The following C19orf47 variants were observed in gnomAD, a reference collection of about 807,000 sequenced individuals.
C19orf47 encodes chromosome 19 open reading frame 47, also known as uncharacterized protein C19orf47.
C19orf47 carries 18 observed loss-of-function variants against 32.3 expected under a neutral mutation model. That is an observed-to-expected ratio of 0.56 (90% confidence interval 0.39 to 0.83). The LOEUF is 0.83. C19orf47 is among the 40% of genes least tolerant of loss of function. The pLI is 0.00. For synonymous variants in C19orf47, 202 were observed against 211.1 expected (o/e 0.96, Z 0.37); for missense variants, 484 against 531.6 (o/e 0.91, Z 0.88).
chr19:40,299,843 T>G, the C19orf47 span, among the ~76,000 whole-genome samples: 2 of 151,322 alleles, frequency 1.3e-5, no homozygotes, highest in East Asian at 4.0e-4. Flanking sequence ...CTGGCCGACA[T>G]GGCGAAACCC....
the C19orf47 span, among the ~76,000 whole-genome samples, chr19:40,313,365 C>T: frequency 6.6e-6 from 1 of 152,136 alleles, no homozygotes; most frequent in African/African-American, 2.4e-5. Flanking sequence ...CACTCTGTTG[C>T]CCAGGCTAGA....
chr19:40,339,968 T>G (rs1041842362), intron 2 of C19orf47, among the ~76,000 whole-genome samples: 1 of 110,812 alleles, frequency 9.0e-6, no homozygotes, highest in African/African-American at 3.5e-5. Context: ...AAAGCGAAAC[T>G]CCATCTCAAA....
rs1163361890 is a variant in C19orf47, at chr19:40,321,689, G to A, written c.*193C>T. 1 of 1,417,996 alleles carries A rather than the reference G, an allele frequency of 7.1e-7. No individual in the cohort carries two copies. The highest frequency in any genetic ancestry group is 3.1e-5 in the Admixed American group (1 of 32,284). The allele number at this position is 1,417,996 out of a possible 1,614,324, so 87.8% of individuals were successfully genotyped here. On this transcript the variant is annotated 3_prime_UTR_variant, in exon 9 of 9. Transcript: ENST00000683109. ...AGAAGGGGAGTCCTGGAGCAGGCCA[G>A]GCCAGCTGCGACGACCATCCCAGGC...
the C19orf47 span, among the ~76,000 whole-genome samples, chr19:40,303,711 G>A: frequency 1.3e-5 from 2 of 150,002 alleles, no homozygotes; most frequent in South Asian, 2.1e-4. Flanking sequence ...GGCTGAGGCA[G>A]GAGAATCGCT....
At chr19:40,345,827 C>A (rs1382527698) in intron 1 of C19orf47, among the ~76,000 whole-genome samples, 4 of 114,912 alleles carry the variant, frequency 3.5e-5, no homozygotes, top group African/African-American at 1.0e-4. Flanking sequence ...CCAGCCTGGG[C>A]AACAGAGCAA....
At chr19:40,298,176 A>C in the C19orf47 span, among the ~76,000 whole-genome samples, 1 of 151,720 alleles carries the variant, frequency 6.6e-6, no homozygotes, top group African/African-American at 2.4e-5. Context: ...AGTAGGATCA[A>C]AGTTGATAAA....
chr19:40,321,845 C>T lies in C19orf47; in HGVS notation c.*37G>A, dbSNP rs1279582577. 7 of 1,500,444 alleles carry T rather than the reference C, an allele frequency of 4.7e-6. No individual in the cohort carries two copies. Among genetic ancestry groups the T allele is most frequent in the Admixed American group, 4.7e-5 (2 of 42,480 alleles). The allele number at this position is 1,500,444 out of a possible 1,614,324, so 92.9% of individuals were successfully genotyped here. A position where few individuals can be genotyped will look rare whatever the true frequency, so the allele number is the denominator to read the frequency against. ...GCCTGGGGCGGCCAGGGCAGATGCC[C>T]GCAGGCTCTGCTGCCTGCACCCCGC... On this transcript the variant is annotated 3_prime_UTR_variant, in exon 9 of 9. Coordinates refer to ENST00000683109, the MANE Select transcript of C19orf47 (RefSeq NM_001256441.2).
downstream of C19orf47, among the ~76,000 whole-genome samples, chr19:40,319,047 G>T (rs557082250): frequency 6.6e-6 from 1 of 152,010 alleles, no homozygotes; most frequent in Admixed American, 6.6e-5. Context: ...TGAGGCGGGC[G>T]GATCACCTAA....
Position 40,333,835 on chromosome 19 carries a change from A to C in C19orf47, c.301+16T>G. 6.5e-7 allele frequency: 1 copy of C among 1,539,378 alleles called. No homozygotes were observed. The highest frequency in any genetic ancestry group is 8.8e-7 in the Non-Finnish European group (1 of 1,139,864). ...ATAAAAATCAAGGAAAAGAGGCCTG[A>C]ATAGTTAGGACTCACCACTGGTGCC... On this transcript the variant is annotated intron_variant, in intron 5 of 8. Transcript: ENST00000683109.
rs1471020518 is a variant in C19orf47, at chr19:40,321,296, C to T, written c.*586G>A. The T allele has an allele frequency of 1.0e-5, 10 of 986,462 alleles. No individual in the cohort carries two copies. The highest frequency in any genetic ancestry group is 1.1e-5 in the Non-Finnish European group (9 of 830,148). The allele number at this position is 986,462 out of a possible 1,614,324, so 61.1% of individuals were successfully genotyped here. A position where few individuals can be genotyped will look rare whatever the true frequency, so the allele number is the denominator to read the frequency against. ...TCGACGCCACCGCCGACGAGGGGGC[C>T]GCTGGGAGGCCGGAGGTACAGGAGG... On this transcript the variant is annotated 3_prime_UTR_variant, in exon 9 of 9. Coordinates refer to ENST00000683109, the MANE Select transcript of C19orf47 (RefSeq NM_001256441.2).
chr19:40,308,128 T>C, the C19orf47 span, among the ~76,000 whole-genome samples: 1 of 151,944 alleles, frequency 6.6e-6, no homozygotes, highest in East Asian at 1.9e-4. Flanking sequence ...CTCTGTAAAA[T>C]GTCTGGAGGG....
chr19:40,300,717 A>G, the C19orf47 span, among the ~76,000 whole-genome samples: 3 of 152,168 alleles, frequency 2.0e-5, no homozygotes, highest in Non-Finnish European at 2.9e-5. Context: ...GCAATCAGCT[A>G]TTGCCCCAAA....
chr19:40,315,318 C>A (rs1391732074), downstream of C19orf47, among the ~76,000 whole-genome samples: 2 of 152,182 alleles, frequency 1.3e-5, no homozygotes, highest in African/African-American at 2.4e-5. Flanking sequence ...CAGCAGCTCT[C>A]TGCACTATCT....
intron 2 of C19orf47, among the ~76,000 whole-genome samples, chr19:40,340,138 T>G (rs1051090964): frequency 5.3e-5 from 8 of 151,660 alleles, no homozygotes; most frequent in African/African-American, 1.9e-4. Context: ...GGATGGGTAA[T>G]AGGGTTTGGA....
chr19:40,315,883 G>A (rs781274072), downstream of C19orf47, among the ~76,000 whole-genome samples: 1 of 152,080 alleles, frequency 6.6e-6, no homozygotes, highest in Non-Finnish European at 1.5e-5. Flanking sequence ...ACTTGAGCCT[G>A]GTAGGTGGAG....
In C19orf47 at chr19:40,336,014, G is replaced by A. The variant is rs571162367; in HGVS notation, c.222+96C>T. ...CTGAACCAGCCCTGGAACCTGGGTC[G>A]GCCTGCCTCTGCTGCCAGGCCTCCC... On this transcript the variant is annotated intron_variant, in intron 4 of 8. Coordinates refer to ENST00000683109, the MANE Select transcript of C19orf47 (RefSeq NM_001256441.2). 1.5e-4 allele frequency: 159 copies of A among 1,085,534 alleles called. 1 individual carries two copies. In the Middle Eastern group the frequency reaches 1.7e-3, roughly 12 times the overall value. 67.2% of individuals were successfully genotyped at this position (1,085,534 alleles called of 1,614,324 possible).
the C19orf47 span, among the ~76,000 whole-genome samples, chr19:40,301,538 C>T: frequency 2.0e-5 from 3 of 151,436 alleles, no homozygotes; most frequent in African/African-American, 4.8e-5. Context: ...GACGAGGTTT[C>T]GCCATGTTGG....
chr19:40,311,676 T>C, the C19orf47 span, among the ~76,000 whole-genome samples: 2 of 151,962 alleles, frequency 1.3e-5, no homozygotes, highest in Non-Finnish European at 2.9e-5. Flanking sequence ...TGAAGGGAGA[T>C]GTGGAGTCTT....
intron 1 of C19orf47, among the ~76,000 whole-genome samples, chr19:40,344,142 A>G (rs1271606145): frequency 6.6e-6 from 1 of 152,044 alleles, no homozygotes; most frequent in East Asian, 1.9e-4. Context: ...CCTGTACTCA[A>G]CACTCTTAGA....
Sources: allele counts gnomAD v4.1 joint callset (sites outside exome capture counted in the v4.1 genomes callset), GRCh38; gene constraint gnomAD v4.1.1; transcripts MANE v1.5; gene names NCBI Gene and HGNC (gene_info 2026-07-23, HGNC 2026-07-21).